MTPN: variants seen among roughly 807,000 people sequenced by gnomAD.
MTPN encodes the protein granule cell differentiation protein.
A neutral mutation model predicts 13.5 loss-of-function variants in MTPN; 2 were observed. The observed-to-expected ratio is 0.15, with a 90% CI of 0.06 to 0.47. MTPN has a LOEUF of 0.47. MTPN is among the 20% of genes least tolerant of loss of function. The pLI is 0.97. For missense variants in MTPN, 79 were observed against 137.9 expected, an observed-to-expected ratio of 0.57 and a Z score of 2.14; for synonymous variants, 46 against 51.7, an observed-to-expected ratio of 0.89 and a Z score of 0.48.
chr7:135,954,725 G>A (rs888195022), intron 1 of MTPN, among the ~76,000 whole-genome samples: 3 of 152,242 alleles, frequency 2.0e-5, no homozygotes, highest in South Asian at 4.1e-4. Flanking sequence ...GGAGGATCAC[G>A]AGGTCAGGAG....
At position 135,928,279 on chromosome 7, in the gene MTPN, C is replaced by T. The variant is rs1798957543; in HGVS notation, c.*1647G>A. The T allele has an allele frequency of 6.0e-6, 1 of 167,010 alleles. No homozygotes were observed. The highest frequency in any genetic ancestry group is 2.1e-4 in the South Asian group (1 of 4,826). The allele number at this position is 167,010 out of a possible 1,614,324, so 10.3% of individuals were successfully genotyped here. On this transcript the variant is annotated 3_prime_UTR_variant, in exon 4 of 4. Coordinates refer to ENST00000393085, the MANE Select transcript of MTPN (RefSeq NM_145808.4). ...AAAAGCCACAGGATTAAAAAAAGGA[C>T]TCATGGGGAAAAATACACACACACA...
At chr7:135,953,267 C>T (rs887992424) in intron 1 of MTPN, among the ~76,000 whole-genome samples, 1 of 152,218 alleles carries the variant, frequency 6.6e-6, no homozygotes, top group African/African-American at 2.4e-5. Context: ...GTAAAACTCA[C>T]AGGAATCAGT....
chr7:135,969,254 G>T (rs79789237), intron 1 of MTPN, among the ~76,000 whole-genome samples: 2 of 119,082 alleles, frequency 1.7e-5, no homozygotes, highest in East Asian at 5.0e-4. Flanking sequence ...AAAAAAAAAA[G>T]AAAAAAAAAA....
At chr7:135,949,669 GCTAT>G (rs1426932759) in intron 3 of MTPN, among the ~76,000 whole-genome samples, 1 of 152,142 alleles carries the variant, frequency 6.6e-6, no homozygotes, top group African/African-American at 2.4e-5. Flanking sequence ...AGATAAATGT[GCTAT>G]CTTCTTTCCC....
At chr7:135,951,495 A>G (rs941595314) in intron 2 of MTPN, 22 bp downstream of exon 2, 12 of 1,533,818 alleles carry the variant, frequency 7.8e-6, no homozygotes, top group Non-Finnish European at 1.1e-5. Context: ...TTTTTTCAAG[A>G]ATGATCACGT....
At chr7:135,975,949 C>A (rs1309616809) in intron 1 of MTPN, among the ~76,000 whole-genome samples, 1 of 152,236 alleles carries the variant, frequency 6.6e-6, no homozygotes, top group East Asian at 1.9e-4. Flanking sequence ...AACACAGCCT[C>A]TGAAGCAAAA....
Position 135,927,270 on chromosome 7 carries a change from G to A in MTPN, c.*2656C>T. The A allele has an allele frequency of 6.5e-7, 1 of 1,539,836 alleles. No individual in the cohort carries two copies. The highest frequency in any genetic ancestry group is 8.8e-7 in the Non-Finnish European group (1 of 1,141,238). ...TACTACCTCTCTTCCATGCTTAACT[G>A]GGTTTAGAAAGGTGAGCTATGCGTA... On this transcript the variant is annotated 3_prime_UTR_variant, in exon 4 of 4. Coordinates refer to ENST00000393085, the MANE Select transcript of MTPN (RefSeq NM_145808.4).
chr7:135,935,009 A>T (rs141175658), intron 3 of MTPN, among the ~76,000 whole-genome samples: 1 of 152,088 alleles, frequency 6.6e-6, no homozygotes, highest in African/African-American at 2.4e-5. Flanking sequence ...CTTGAATTCA[A>T]CCTCTCCCAA....
At chr7:135,938,886 T>C (rs973860138) in intron 3 of MTPN, among the ~76,000 whole-genome samples, 1 of 152,328 alleles carries the variant, frequency 6.6e-6, no homozygotes, top group African/African-American at 2.4e-5. Context: ...AAGGAAATCA[T>C]CATGTCTTGT....
chr7:135,969,088 T>TGGGGG (rs71174565), intron 1 of MTPN, among the ~76,000 whole-genome samples: 3 of 33,612 alleles, frequency 8.9e-5, no homozygotes, highest in African/African-American at 1.5e-4. Context: ...TGTTGTGGGG[T>TGGGGG]GGGGGGGGGG....
intron 3 of MTPN, among the ~76,000 whole-genome samples, chr7:135,930,741 C>T (rs182855166): frequency 6.6e-6 from 1 of 152,274 alleles, no homozygotes; most frequent in East Asian, 1.9e-4. Flanking sequence ...CACTGTACTC[C>T]AGCACTTGGA....
At chr7:135,938,945 C>T (rs1347669106) in intron 3 of MTPN, among the ~76,000 whole-genome samples, 1 of 152,142 alleles carries the variant, frequency 6.6e-6, no homozygotes, top group Non-Finnish European at 1.5e-5. Flanking sequence ...AATTTTCTAT[C>T]CAAAATAGTT....
At chr7:135,955,658 G>A (rs1191805859) in intron 1 of MTPN, among the ~76,000 whole-genome samples, 2 of 152,100 alleles carry the variant, frequency 1.3e-5, no homozygotes, top group African/African-American at 2.4e-5. Flanking sequence ...CATGACAAGT[G>A]ATGGAAAAAT....
chr7:135,962,617 C>T (rs1799542189), intron 1 of MTPN, among the ~76,000 whole-genome samples: 1 of 151,908 alleles, frequency 6.6e-6, no homozygotes, highest in Non-Finnish European at 1.5e-5. Context: ...ACTTTCCTAA[C>T]TGGTTTTAAT....
intron 1 of MTPN, among the ~76,000 whole-genome samples, chr7:135,966,348 C>A (rs1276231179): frequency 6.6e-6 from 1 of 152,090 alleles, no homozygotes; most frequent in Admixed American, 6.6e-5. Flanking sequence ...CAATACACAG[C>A]AGAGTACCAG....
chr7:135,962,572 G>C (rs1430135841), intron 1 of MTPN, among the ~76,000 whole-genome samples: 3 of 151,964 alleles, frequency 2.0e-5, no homozygotes, highest in Admixed American at 1.3e-4. Flanking sequence ...CTGTTCACTA[G>C]ATTTTTCCCA....
chr7:135,953,981 A>ATACATAATGTC (rs202131899), intron 1 of MTPN, among the ~76,000 whole-genome samples: 2,448 of 152,306 alleles, frequency 0.016, 32 homozygotes, highest in African/African-American at 0.037. Context: ...TATAATGTAT[A>ATACATAATGTC]TATATAATGT....
At chr7:135,948,849 A>T (rs1156795385) in intron 3 of MTPN, among the ~76,000 whole-genome samples, 2 of 152,310 alleles carry the variant, frequency 1.3e-5, no homozygotes, top group African/African-American at 4.8e-5. Context: ...GTAAATGACA[A>T]GGGACCTAAG....
At chr7:135,976,935 A>T (rs879704089) in intron 1 of MTPN, 94 bp downstream of exon 1, 6 of 244,242 alleles carry the variant, frequency 2.5e-5, no homozygotes, top group South Asian at 5.5e-5. Flanking sequence ...CCTCCCGCCC[A>T]CCCCCATCCC....
Sources: gnomAD v4.1 joint callset for allele counts (sites outside exome capture counted in the v4.1 genomes callset) on GRCh38, gnomAD v4.1.1 for gene constraint, MANE v1.5 for transcripts, NCBI Gene and HGNC (gene_info 2026-07-23, HGNC 2026-07-21) for gene names.